MED25: variants seen among roughly 807,000 people sequenced by gnomAD.
MED25 encodes the protein mediator of RNA polymerase II transcription subunit 25.
MED25 carries 62 observed loss-of-function variants against 89.4 expected under a neutral mutation model. That is an observed-to-expected ratio of 0.69 (90% confidence interval 0.57 to 0.86). The LOEUF (loss-of-function observed/expected upper bound fraction) is 0.86, where lower values mean the gene tolerates loss of function less well. MED25 is among the 40% of genes least tolerant of loss of function. The pLI is 0.00. For missense variants in MED25, 905 were observed against 1,005.2 expected, an observed-to-expected ratio of 0.90 and a Z score of 1.35; for synonymous variants, 449 against 427.9, an observed-to-expected ratio of 1.05 and a Z score of -0.61.
At chr19:49,839,146 T>G (rs757635677), downstream of MED25, 8 of 257,634 alleles carry the variant, frequency 3.1e-5, no homozygotes, top group African/African-American at 6.7e-5. Context: ...ATTTGTGGTG[T>G]TAAGAATCTT....
intron 3 of MED25, among the ~76,000 whole-genome samples, chr19:49,826,407 C>T (rs2074015830): frequency 1.3e-5 from 2 of 152,172 alleles, no homozygotes; most frequent in South Asian, 2.1e-4. Flanking sequence ...TTGGGAGCAG[C>T]GCCCGAGTGC....
At position 49,830,133 on chromosome 19, in the gene MED25, T is replaced by G. The variant is rs1437930123; in HGVS notation, c.734T>G (p.Val245Gly). 1.9e-6 allele frequency: 3 copies of G among 1,602,510 alleles called. No individual in the cohort carries two copies. The highest frequency in any genetic ancestry group is 2.6e-6 in the Non-Finnish European group (3 of 1,174,124). Reference sequence around the variant, plus strand: ...GGCCCCCTCCAGTCAAAGCAGCCAGTCCCCCTGCCTCCCGCCGCACCCTCA... The same window carrying G: ...GGCCCCCTCCAGTCAAAGCAGCCAGGCCCCCTGCCTCCCGCCGCACCCTCA... ...APGPLQSKQPVPLPPAAPSGA... is the reference protein window; with the variant it reads ...APGPLQSKQPGPLPPAAPSGA... Residue 245 changes from valine (V) to glycine (G), a missense_variant, in exon 7 of 18, where the codon GTC becomes GGC. Physicochemically the swap from Val to Gly is moderately radical, Grantham distance 109. Transcript: ENST00000312865. The surrounding 1 kb of genome is among the most constrained non-coding windows in gnomAD (Gnocchi z 4.6).
At position 49,835,255 on chromosome 19, in the gene MED25, G is replaced by T. The variant is rs1390036303; in HGVS notation, c.1674+78G>T. 3.4e-6 allele frequency: 5 copies of T among 1,474,294 alleles called. No homozygotes were observed. The East Asian group carries it at 6.8e-5, about 20-fold the overall frequency. 91.3% of individuals were successfully genotyped at this position (1,474,294 alleles called of 1,614,324 possible). A position where few individuals can be genotyped will look rare whatever the true frequency, so the allele number is the denominator to read the frequency against. On this transcript the variant is annotated intron_variant, in intron 14 of 17. Transcript: ENST00000312865. This position sits in a 1 kb window ranked among gnomAD's most constrained non-coding sequence, Gnocchi z 6.2. ...CCACATGGCCCCCTGGGGTCTCCAGGACCAAGATGCCCACCCTTCTCCCAA... is the reference window on the plus strand; with the variant it reads ...CCACATGGCCCCCTGGGGTCTCCAGTACCAAGATGCCCACCCTTCTCCCAA...
rs769148045 is a variant in MED25, at chr19:49,829,928, T to G, written c.668T>G (p.Val223Gly). 1 of 1,612,554 alleles carries G rather than the reference T, an allele frequency of 6.2e-7. No homozygotes were observed. The highest frequency in any genetic ancestry group is 8.5e-7 in the Non-Finnish European group (1 of 1,179,266). Reference sequence around the variant, plus strand: ...CAGGACCCGAGGCACATGGTGCTGGTTCGGGGACTCGTGCTGCCTGGTGAG... The same window carrying G: ...CAGGACCCGAGGCACATGGTGCTGGGTCGGGGACTCGTGCTGCCTGGTGAG... ...VSQDPRHMVLVRGLVLPVGGG... is the reference protein window; with the variant it reads ...VSQDPRHMVLGRGLVLPVGGG... Residue 223 changes from valine to glycine, a missense_variant, in exon 6 of 18, where the codon GTT (valine) becomes GGT (glycine). Around this residue, in one of 3 missense-constraint regions of MED25, gnomAD observed 501 missense variants for 526.9 expected, o/e 0.95. Transcript: ENST00000312865. The surrounding 1 kb of genome is among the most constrained non-coding windows in gnomAD (Gnocchi z 4.6).
chr19:49,818,703 G>A (rs1461017639), intron 2 of MED25, 87 bp downstream of exon 2: 4 of 1,292,330 alleles, frequency 3.1e-6, no homozygotes, highest in Admixed American at 3.4e-5. Context: ...GGCTGGGCCT[G>A]GACTCCTGAG....
chr19:49,836,043 G>T lies in MED25; in HGVS notation c.1965+98G>T. The T allele has an allele frequency of 6.4e-6, 10 of 1,558,366 alleles. No individual in the cohort carries two copies. The South Asian group carries it at 1.1e-4, about 16-fold the overall frequency. On this transcript the variant is annotated intron_variant, in intron 16 of 17. Transcript: ENST00000312865. This position sits in a 1 kb window ranked among gnomAD's most constrained non-coding sequence, Gnocchi z 5.1. Reference sequence around the variant, plus strand: ...GAGGGAGGTTGACTGTGGTCAGTGGGTGTGAATGGGGACCCGCCCAGGGCT... The same window carrying T: ...GAGGGAGGTTGACTGTGGTCAGTGGTTGTGAATGGGGACCCGCCCAGGGCT...
chr19:49,825,831 CA>C (rs923064334), intron 3 of MED25, among the ~76,000 whole-genome samples: 115 of 147,548 alleles, frequency 7.8e-4, no homozygotes, highest in African/African-American at 2.4e-3. Context: ...AACTCCATCT[CA>C]AAAAAAAAAA....
rs760563422 is a variant in MED25 at position 49,818,390 on chromosome 19, G to C, written c.49G>C (p.Asp17His). The change falls in exon 1 of 18, where the codon GAC becomes CAC. Residue 17 changes from aspartate to histidine, a missense_variant. By Grantham distance (81) the Asp-to-His change is moderately conservative. Around this residue, in one of 3 missense-constraint regions of MED25, gnomAD observed 501 missense variants for 526.9 expected, o/e 0.95. Coordinates refer to ENST00000312865, the MANE Select transcript of MED25 (RefSeq NM_030973.4). ...GPARAGSVVA[D>H]VVFVIEGTAN... ...GGCCCGCGCCGGGAGCGTGGTGGCC[G>C]ACGTGGTGTTTGTGATTGAGGGTAC... 1 of 1,613,340 alleles carries C rather than the reference G, an allele frequency of 6.2e-7. No individual in the cohort carries two copies. Among genetic ancestry groups the C allele is most frequent in the Non-Finnish European group, 8.5e-7 (1 of 1,179,694 alleles).
intron 3 of MED25, chr19:49,819,963 TTACAGGCA>T: frequency 6.5e-6 from 1 of 154,830 alleles, no homozygotes; most frequent in Non-Finnish European, 1.4e-5. Flanking sequence ...GTAGCTGGGA[TTACAGGCA>T]CACGCCACTA....
chr19:49,832,541 C>T (rs2074065976), intron 13 of MED25, 126 bp downstream of exon 13: 1 of 694,254 alleles, frequency 1.4e-6, no homozygotes, highest in African/African-American at 1.8e-5. Flanking sequence ...GCACTTCATG[C>T]CCTTAGGTTC....
At chr19:49,826,050 C>G (rs984744738) in intron 3 of MED25, among the ~76,000 whole-genome samples, 2 of 152,054 alleles carry the variant, frequency 1.3e-5, no homozygotes, top group Non-Finnish European at 2.9e-5. Context: ...GCGTGCAAAG[C>G]TGTCTTGATG....
chr19:49,825,191 G>T (rs2074008044), intron 3 of MED25, among the ~76,000 whole-genome samples: 1 of 152,004 alleles, frequency 6.6e-6, no homozygotes, highest in Non-Finnish European at 1.5e-5. Flanking sequence ...TAAGAGAAAC[G>T]CAAGTTTTAG....
At chr19:49,820,027 A>G (rs1202802939) in intron 3 of MED25, 1 of 150,138 alleles carries the variant, frequency 6.7e-6, no homozygotes, top group African/African-American at 2.5e-5. Flanking sequence ...TAGTAGAGAC[A>G]GTTTCACTGT....
Position 49,832,408 on chromosome 19 carries a change from A to G in MED25, c.1475A>G (p.Asn492Ser). The G allele has an allele frequency of 6.3e-7, 1 of 1,593,158 alleles. No individual in the cohort carries two copies. The highest frequency in any genetic ancestry group is 8.6e-7 in the Non-Finnish European group (1 of 1,162,992). The change falls in exon 13 of 18, where the codon AAC becomes AGC. Residue 492 changes from asparagine (N) to serine (S), a missense_variant. Asn to Ser is a conservative substitution (Grantham distance 46, BLOSUM62 1). Coordinates refer to ENST00000312865, the MANE Select transcript of MED25 (RefSeq NM_030973.4). Reference protein sequence around the residue: ...SLKGLYRIMGNGFAGCVHFPH... With the variant: ...SLKGLYRIMGSGFAGCVHFPH... ...AAAGGCCTCTACCGCATCATGGGCA[A>G]CGGCTTCGTGAGTCCAGGGCATGGG...
At position 49,836,537 on chromosome 19, in the gene MED25, T is replaced by G; in HGVS notation, c.2146+131T>G. On this transcript the variant is annotated intron_variant, in intron 17 of 17. Coordinates refer to ENST00000312865, the MANE Select transcript of MED25 (RefSeq NM_030973.4). This position sits in a 1 kb window ranked among gnomAD's most constrained non-coding sequence, Gnocchi z 5.1. ...AAGAATGAGGGTTCCCCCATGGCCT[T>G]TGCGGAGCTCTGAGGGCTCCGGGAA... 8.4e-7 allele frequency: 1 copy of G among 1,184,020 alleles called. No individual in the cohort carries two copies. Among genetic ancestry groups the G allele is most frequent in the South Asian group, 1.3e-5 (1 of 76,202 alleles). The allele number at this position is 1,184,020 out of a possible 1,614,324, so 73.3% of individuals were successfully genotyped here. A position where few individuals can be genotyped will look rare whatever the true frequency, so the allele number is the denominator to read the frequency against.
chr19:49,831,017 G>A lies in MED25; in HGVS notation c.1101+130G>A. On this transcript the variant is annotated intron_variant, in intron 9 of 17. Transcript: ENST00000312865. This position sits in a 1 kb window ranked among gnomAD's most constrained non-coding sequence, Gnocchi z 5.0. Reference sequence around the variant, plus strand: ...GGTTCTGGGGCTTTGGGGGCTCGTGGTGTGTGTGCTGCAGATGCCTGAGAT... The same window carrying A: ...GGTTCTGGGGCTTTGGGGGCTCGTGATGTGTGTGCTGCAGATGCCTGAGAT... 1 of 1,057,224 alleles carries A rather than the reference G, an allele frequency of 9.5e-7. No individual in the cohort carries two copies. The allele number at this position is 1,057,224 out of a possible 1,614,324, so 65.5% of individuals were successfully genotyped here.
rs774013649 is a variant in MED25, at chr19:49,835,773, C to T, written c.1793C>T (p.Ala598Val). The T allele has an allele frequency of 3.1e-6, 5 of 1,608,136 alleles. No homozygotes were observed. The highest frequency in any genetic ancestry group is 1.6e-4 in the Middle Eastern group (1 of 6,070). The change falls in exon 16 of 18, where the codon GCC (alanine) becomes GTC (valine). Residue 598 changes from alanine (A) to valine (V), a missense_variant. Physicochemically the swap from Ala to Val is moderately conservative, Grantham distance 64. This residue lies in a region of MED25 where 271 missense variants were observed against 258.1 expected (regional missense o/e 1.05). Transcript: ENST00000312865. The surrounding 1 kb of genome is among the most constrained non-coding windows in gnomAD (Gnocchi z 6.2). ...PQPQPQGTVG[A>V]SGATGQPQPQ... Reference sequence around the variant, plus strand: ...CCCCAGCCTCAGGGTACCGTAGGGGCCTCTGGGGCCACGGGGCAGCCCCAG... The same window carrying T: ...CCCCAGCCTCAGGGTACCGTAGGGGTCTCTGGGGCCACGGGGCAGCCCCAG...
chr19:49,827,724 C>G (rs916012467), intron 3 of MED25, among the ~76,000 whole-genome samples: 2 of 152,178 alleles, frequency 1.3e-5, no homozygotes, highest in Non-Finnish European at 2.9e-5. Context: ...CACACTTGAA[C>G]CCATAAGACT....
At chr19:49,833,273 A>AT (rs1355630136) in intron 13 of MED25, 5 of 152,218 alleles carry the variant, frequency 3.3e-5, no homozygotes, top group Non-Finnish European at 7.3e-5. Context: ...TGCCCAGCTA[A>AT]TTTCTGTATT....
Sources: allele counts gnomAD v4.1 joint callset (sites outside exome capture counted in the v4.1 genomes callset), GRCh38; gene constraint gnomAD v4.1.1; regional missense constraint gnomAD v4.1.1; non-coding constraint Gnocchi (gnomAD v3.1); transcripts MANE v1.5; gene names NCBI Gene and HGNC (gene_info 2026-07-23, HGNC 2026-07-21).